IL2RB: variants seen among roughly 807,000 people sequenced by gnomAD.
IL2RB encodes interleukin-2 receptor subunit beta.
In IL2RB, 17 loss-of-function variants were observed where a neutral mutation model predicts 44.2. The ratio of observed to expected loss-of-function variants is 0.38; its 90% CI spans 0.26 to 0.58. The LOEUF (loss-of-function observed/expected upper bound fraction) is 0.58. IL2RB is among the 20% of genes least tolerant of loss of function. The pLI is 0.63. For synonymous variants in IL2RB, 286 were observed against 297.9 expected, an observed-to-expected ratio of 0.96 and a Z score of 0.41; for missense variants, 624 against 685.5, an observed-to-expected ratio of 0.91 and a Z score of 1.00.
chr22:37,168,050 AG>A (rs1216387653), intron 1 of IL2RB, among the ~76,000 whole-genome samples: 2 of 152,238 alleles, frequency 1.3e-5, no homozygotes, highest in Non-Finnish European at 2.9e-5. Flanking sequence ...ACTCTAACTC[AG>A]AGTACCTTCT....
In IL2RB at chr22:37,144,784, C is replaced by T. The variant is rs372661075; in HGVS notation, c.-33-579G>A. On this transcript the variant is annotated intron_variant, in intron 1 of 9. Transcript: ENST00000216223. ...AGAAGCACCCTTTGTTACTCACCAC[C>T]CCCCTACATTTTCATCATAGCATTA... Among the ~76,000 whole-genome samples the T allele has an allele frequency of 2.4e-4, 36 of 152,240 alleles. No individual in the cohort carries two copies. The South Asian group carries it at 4.2e-3, about 18-fold the overall frequency.
chr22:37,171,522 G>C (rs1217615058), intron 1 of IL2RB, among the ~76,000 whole-genome samples: 2 of 152,188 alleles, frequency 1.3e-5, no homozygotes, highest in African/African-American at 4.8e-5. Context: ...AGAATCAGGA[G>C]CACAATTTTA....
At chr22:37,147,923 C>T (rs553374434) in intron 1 of IL2RB, among the ~76,000 whole-genome samples, 38 of 152,366 alleles carry the variant, frequency 2.5e-4, no homozygotes, top group African/African-American at 8.7e-4. Flanking sequence ...TGCCCCTTCA[C>T]GCTCAATCAT....
At chr22:37,155,495 C>A (rs1486895976) in intron 1 of IL2RB, among the ~76,000 whole-genome samples, 4 of 152,234 alleles carry the variant, frequency 2.6e-5, no homozygotes, top group African/African-American at 4.8e-5. Context: ...GCCTCCTGTG[C>A]TTTCTCACTC....
At chr22:37,158,051 G>C (rs1251364712) in intron 1 of IL2RB, among the ~76,000 whole-genome samples, 2 of 152,172 alleles carry the variant, frequency 1.3e-5, no homozygotes, top group African/African-American at 4.8e-5. Flanking sequence ...AAGGCAATCT[G>C]ACATCTACCA....
Position 37,141,779 on chromosome 22 carries a change from A to G in IL2RB, c.282+655T>C, listed in dbSNP as rs1921977705. Among the ~76,000 whole-genome samples, 1 of 152,170 alleles carries G rather than the reference A, an allele frequency of 6.6e-6. No homozygotes were observed. Among genetic ancestry groups the G allele is most frequent in the Non-Finnish European group, 1.5e-5 (1 of 68,000 alleles). ...CACCAATGAGCACAGGGGGATGGGA[A>G]GCCACGGGGGTGCAGGGGACAGCTT... On this transcript the variant is annotated intron_variant, in intron 4 of 9. Transcript: ENST00000216223. This position sits in a 1 kb window ranked among gnomAD's most constrained non-coding sequence, Gnocchi z 4.4.
At chr22:37,143,675 C>T (rs1922078805) in intron 2 of IL2RB, 40 bp from the exon 3 acceptor site, 3 of 1,387,682 alleles carry the variant, frequency 2.2e-6, no homozygotes, top group Admixed American at 1.7e-5. Context: ...ACTGTAGGTG[C>T]CCACAGCCCC....
chr22:37,149,590 T>A (rs771564887), intron 1 of IL2RB, among the ~76,000 whole-genome samples: 4 of 152,150 alleles, frequency 2.6e-5, no homozygotes, highest in Non-Finnish European at 5.9e-5. Context: ...CTCCCCTGAA[T>A]GGGTTGGGAA....
intron 8 of IL2RB, 39 bp downstream of exon 8, chr22:37,135,289 G>T (rs1921628772): frequency 2.2e-6 from 3 of 1,369,090 alleles, no homozygotes; most frequent in South Asian, 2.3e-5. Flanking sequence ...CACGTTGGAG[G>T]GGTGGGAGCA....
At chr22:37,149,479 C>T (rs1034056639) in intron 1 of IL2RB, among the ~76,000 whole-genome samples, 6 of 152,192 alleles carry the variant, frequency 3.9e-5, no homozygotes, top group Admixed American at 6.5e-5. Context: ...GTACCCTCTC[C>T]GGGCACCCAG....
In IL2RB at chr22:37,126,223, G is replaced by A. The variant is rs1202762943; in HGVS notation, c.*1873C>T. 2 of 152,178 alleles carry A rather than the reference G, an allele frequency of 1.3e-5. No homozygotes were observed. Among genetic ancestry groups the A allele is most frequent in the Non-Finnish European group, 2.9e-5 (2 of 68,034 alleles). 9.4% of individuals were successfully genotyped at this position (152,178 alleles called of 1,614,324 possible). A position where few individuals can be genotyped will look rare whatever the true frequency, so the allele number is the denominator to read the frequency against. On this transcript the variant is annotated 3_prime_UTR_variant, in exon 10 of 10. Coordinates refer to ENST00000216223, the MANE Select transcript of IL2RB (RefSeq NM_000878.5). ...GCCCCTTGTGGTCTGAAACATTCAGGACCCTATGGCAGGAGGTGAGACTGT... is the reference window on the plus strand; with the variant it reads ...GCCCCTTGTGGTCTGAAACATTCAGAACCCTATGGCAGGAGGTGAGACTGT...
rs766744018 is a variant in IL2RB, at chr22:37,128,872, G to A, written c.904-24C>T. ...TTCTGGTGGGAGAAAGGCCAGGGGTGGGTGAGTGGGGGCTTCCTTCACCCT... is the reference window on the plus strand; with the variant it reads ...TTCTGGTGGGAGAAAGGCCAGGGGTAGGTGAGTGGGGGCTTCCTTCACCCT... On this transcript the variant is annotated intron_variant, in intron 9 of 9. Transcript: ENST00000216223. This position sits in a 1 kb window ranked among gnomAD's most constrained non-coding sequence, Gnocchi z 4.5. 2.5e-6 allele frequency: 4 copies of A among 1,571,150 alleles called. No homozygotes were observed. The highest frequency in any genetic ancestry group is 3.5e-6 in the Non-Finnish European group (4 of 1,155,472).
intron 4 of IL2RB, among the ~76,000 whole-genome samples, chr22:37,142,056 C>T (rs1453239748): frequency 2.6e-5 from 4 of 152,156 alleles, no homozygotes; most frequent in Non-Finnish European, 5.9e-5. Context: ...ACCCTTCACC[C>T]CCCACACTGC....
chr22:37,149,020 A>G (rs1922361571), intron 1 of IL2RB, among the ~76,000 whole-genome samples: 1 of 152,102 alleles, frequency 6.6e-6, no homozygotes, highest in Admixed American at 6.5e-5. Context: ...GGGCTTCTCC[A>G]GCTGGGTGCG....
intron 6 of IL2RB, 104 bp downstream of exon 6, chr22:37,137,483 C>A: frequency 8.1e-7 from 1 of 1,229,120 alleles, no homozygotes; most frequent in Admixed American, 1.9e-5. Context: ...CACCCACCAT[C>A]CACCTGGGGC....
chr22:37,151,977 T>C (rs1922508024), upstream of IL2RB, among the ~76,000 whole-genome samples: 1 of 152,194 alleles, frequency 6.6e-6, no homozygotes, highest in South Asian at 2.1e-4. Context: ...TGTAGCTCTG[T>C]GGTATAATTT....
chr22:37,140,565 C>T (rs1300619556), intron 4 of IL2RB, among the ~76,000 whole-genome samples: 2 of 152,018 alleles, frequency 1.3e-5, no homozygotes, highest in African/African-American at 4.8e-5. Flanking sequence ...AACCAGGCCA[C>T]CTACAGAGCT....
At chr22:37,160,679 C>CAAAAAAAAAAAAAAAAAAAAAAAAAAAA (rs10605445) in intron 1 of IL2RB, among the ~76,000 whole-genome samples, 4 of 136,038 alleles carry the variant, frequency 2.9e-5, no homozygotes, top group African/African-American at 1.2e-4. Flanking sequence ...CTGTCTATGC[C>CAAAAAAAAAAAAAAAAAAAAAAAAAAAA]AAAAAAAAAA....
intron 1 of IL2RB, among the ~76,000 whole-genome samples, chr22:37,166,071 A>G (rs5756531): frequency 0.68 from 103,141 of 152,140 alleles, 37,661 homozygotes; most frequent in Non-Finnish European, 0.83. Context: ...ATGCACATCC[A>G]GCTCAGCTGA....
Sources: gnomAD v4.1 joint callset for allele counts (sites outside exome capture counted in the v4.1 genomes callset) on GRCh38, gnomAD v4.1.1 for gene constraint, Gnocchi (gnomAD v3.1) non-coding constraint, MANE v1.5 for transcripts, NCBI Gene and HGNC (gene_info 2026-07-23, HGNC 2026-07-21) for gene names.